Variants in DZANK1 observed in about 807,000 individuals in gnomAD.
DZANK1 encodes the protein double zinc ribbon and ankyrin repeat-containing protein 1.
A neutral mutation model predicts 94.5 loss-of-function variants in DZANK1; 91 were observed. That is an observed-to-expected ratio of 0.96 (90% CI 0.81 to 1.15). The LOEUF (loss-of-function observed/expected upper bound fraction) is 1.15. Among genes scored for constraint, DZANK1 ranks in the 50% most tolerant of loss-of-function variants. The probability of loss-of-function intolerance (pLI) is 0.00; values close to 1 mark genes in which losing one functional copy is unlikely to be tolerated. For missense variants in DZANK1, 903 were observed against 916.4 expected (o/e 0.99, Z 0.19); for synonymous variants, 312 against 325.3 (o/e 0.96, Z 0.44).
intron 10 of DZANK1, among the ~76,000 whole-genome samples, chr20:18,423,158 A>G (rs1334517066): frequency 6.6e-6 from 1 of 152,202 alleles, no homozygotes; most frequent in East Asian, 1.9e-4. Context: ...TTTGCAACCT[A>G]GGAGCAATAG....
At chr20:18,456,905 T>C (rs1034416015) in intron 3 of DZANK1, among the ~76,000 whole-genome samples, 1 of 152,226 alleles carries the variant, frequency 6.6e-6, no homozygotes, top group African/African-American at 2.4e-5. Context: ...CACGTTTTCA[T>C]TTCTCTTCAA....
intron 13 of DZANK1, among the ~76,000 whole-genome samples, chr20:18,410,614 AAAAC>A (rs2148416557): frequency 6.6e-6 from 1 of 152,362 alleles, no homozygotes; most frequent in East Asian, 1.9e-4. Flanking sequence ...TCCAATTTAA[AAAAC>A]AAACAAACAG....
At chr20:18,411,597 T>C (rs2057259301) in intron 13 of DZANK1, among the ~76,000 whole-genome samples, 1 of 151,994 alleles carries the variant, frequency 6.6e-6, no homozygotes, top group East Asian at 1.9e-4. Flanking sequence ...AAAAGAAGTG[T>C]TTCTATAAGG....
intron 13 of DZANK1, among the ~76,000 whole-genome samples, chr20:18,410,032 C>CAAAAA (rs33981503): frequency 3.3e-5 from 3 of 90,558 alleles, no homozygotes; most frequent in African/African-American, 4.4e-5. Context: ...GACTCCGTCT[C>CAAAAA]AAAAAAAAAA....
intron 2 of DZANK1, among the ~76,000 whole-genome samples, chr20:18,463,968 A>G (rs898831237): frequency 3.9e-5 from 6 of 152,154 alleles, no homozygotes; most frequent in African/African-American, 1.4e-4. Context: ...TGTTAATTAT[A>G]TATGTGTATG....
chr20:18,409,640 T>C (rs1370215333), intron 13 of DZANK1, among the ~76,000 whole-genome samples: 1 of 151,760 alleles, frequency 6.6e-6, no homozygotes, highest in Non-Finnish European at 1.5e-5. Context: ...AAAGACATTA[T>C]AAATGCATAT....
intron 9 of DZANK1, among the ~76,000 whole-genome samples, chr20:18,430,610 T>C (rs1490232895): frequency 1.3e-5 from 2 of 151,890 alleles, no homozygotes; most frequent in Non-Finnish European, 2.9e-5. Context: ...AGCTCAGGAG[T>C]TCCAGACCAG....
chr20:18,385,493 G>A (rs928664670), intron 19 of DZANK1, among the ~76,000 whole-genome samples: 105 of 151,336 alleles, frequency 6.9e-4, no homozygotes, highest in African/African-American at 2.2e-3. Context: ...TCGGCTCACT[G>A]CAACCTCCGA....
exon 9 of DZANK1, chr20:18,433,689 G>A: frequency 6.2e-7 from 1 of 1,614,026 alleles, no homozygotes; most frequent in East Asian, 2.2e-5. Flanking sequence ...CAGCTGTAGA[G>A]CAAGAGGGGC....
At chr20:18,405,428 A>C (rs1323521895) in intron 13 of DZANK1, among the ~76,000 whole-genome samples, 1 of 152,126 alleles carries the variant, frequency 6.6e-6, no homozygotes, top group Non-Finnish European at 1.5e-5. Context: ...GAGAAAAAGG[A>C]ATGAAGAAAA....
At chr20:18,394,680 G>T (rs761464) in intron 15 of DZANK1, 19,328 of 543,894 alleles carry the variant, frequency 0.036, 622 homozygotes, top group African/African-American at 0.1. Flanking sequence ...GTCACCTTTA[G>T]ATCCTTTATA....
chr20:18,460,178 G>A lies in DZANK1; in HGVS notation c.238C>T (p.Gln80Ter), dbSNP rs1202327247. Residue 80 changes from glutamine to a stop codon, truncating the protein, a stop_gained, in exon 3 of 21, where the codon CAA becomes TAA. Transcript: ENST00000262547. LOFTEE classifies it high-confidence loss of function. The stretch of plus-strand genomic sequence containing the variant: ...TTAGAGACAGCAATAGCTTTAACTT[G>A]TATTTTTCCATCAGGCAGAGTAATA... 3 of 1,559,582 alleles carry A rather than the reference G, an allele frequency of 1.9e-6. No individual in the cohort carries two copies. The highest frequency in any genetic ancestry group is 2.7e-5 in the African/African-American group (2 of 74,266).
intron 1 of DZANK1, among the ~76,000 whole-genome samples, chr20:18,466,389 C>T (rs1213179019): frequency 1.3e-5 from 2 of 152,170 alleles, no homozygotes; most frequent in African/African-American, 2.4e-5. Context: ...GCAGTTTGAG[C>T]TTTGTCACAG....
chr20:18,425,177 A>G (rs1304084329), intron 10 of DZANK1, among the ~76,000 whole-genome samples: 1 of 152,192 alleles, frequency 6.6e-6, no homozygotes, highest in East Asian at 1.9e-4. Context: ...CTGCATATAA[A>G]TCATATCTCA....
At chr20:18,465,808 C>A (rs533258631) in intron 1 of DZANK1, among the ~76,000 whole-genome samples, 1 of 152,174 alleles carries the variant, frequency 6.6e-6, no homozygotes, top group Non-Finnish European at 1.5e-5. Context: ...GTGTGTACCA[C>A]AAAATGTTAG....
chr20:18,421,662 T>C (rs2057783205), intron 10 of DZANK1, among the ~76,000 whole-genome samples: 1 of 152,212 alleles, frequency 6.6e-6, no homozygotes, highest in African/African-American at 2.4e-5. Context: ...CCTGCACTTA[T>C]TCCAAGTACT....
At position 18,464,667 on chromosome 20, in the gene DZANK1, C is replaced by CT. The variant is rs1167738427; in HGVS notation, c.109+582dup. 8.0e-3 allele frequency among the ~76,000 whole-genome samples: 623 copies of CT among 77,850 alleles called. 30 individuals are homozygous for CT. Among genetic ancestry groups the CT allele is most frequent in the East Asian group, 0.012 (26 of 2,220 alleles). 51.1% of individuals were successfully genotyped at this position (77,850 alleles called of 152,430 possible). ...TGGAAAAGTTTGGGGAGCACCGGGA[C>CT]TTTTTTTTTTTTTTTTTTTTTTTTT... On this transcript the variant is annotated intron_variant, in intron 2 of 20. Coordinates refer to ENST00000262547, the Ensembl canonical transcript of DZANK1.
At chr20:18,410,983 C>T (rs2057225735) in intron 13 of DZANK1, among the ~76,000 whole-genome samples, 1 of 152,014 alleles carries the variant, frequency 6.6e-6, no homozygotes, top group Non-Finnish European at 1.5e-5. Context: ...GAAGGTACAC[C>T]AAACTTATGG....
exon 19 of DZANK1, chr20:18,389,736 C>G: frequency 6.2e-7 from 1 of 1,613,984 alleles, no homozygotes; most frequent in Non-Finnish European, 8.5e-7. Flanking sequence ...CTCCTCTCTG[C>G]ACGAGAACTG....
Sources: gnomAD v4.1 joint callset for allele counts (sites outside exome capture counted in the v4.1 genomes callset) on GRCh38, gnomAD v4.1.1 for gene constraint, MANE v1.5 for transcripts, NCBI Gene and HGNC (gene_info 2026-07-23, HGNC 2026-07-21) for gene names.